GALNT17: variants seen among roughly 807,000 people sequenced by gnomAD.
GALNT17 encodes the protein UDP-GalNAc:polypeptide N-acetylgalactosaminyltransferase-like 3.
In GALNT17, 29 loss-of-function variants were observed where a neutral mutation model predicts 63.7. That is an observed-to-expected ratio of 0.46 (90% CI 0.34 to 0.62). The LOEUF is 0.62. Ranked by LOEUF, GALNT17 falls within the 20% of genes least tolerant of loss-of-function variation. The pLI, the probability that GALNT17 is intolerant of heterozygous loss-of-function variation, is 0.01. For missense variants in GALNT17, 603 were observed against 799.6 expected (o/e 0.75, Z 2.97); for synonymous variants, 305 against 318.3 (o/e 0.96, Z 0.45).
intron 1 of GALNT17, among the ~76,000 whole-genome samples, chr7:71,213,744 C>G (rs763758939): frequency 1.3e-5 from 2 of 152,126 alleles, no homozygotes; most frequent in Non-Finnish European, 2.9e-5. Flanking sequence ...TTCTGTCATC[C>G]TAATTTTTAT....
At chr7:71,624,656 C>T (rs542035588) in intron 6 of GALNT17, among the ~76,000 whole-genome samples, 10 of 152,146 alleles carry the variant, frequency 6.6e-5, no homozygotes, top group African/African-American at 2.4e-4. Context: ...TCCTATCTAT[C>T]GATTTTTACT....
intron 1 of GALNT17, among the ~76,000 whole-genome samples, chr7:71,248,226 A>G (rs1008376237): frequency 3.3e-5 from 5 of 152,220 alleles, no homozygotes; most frequent in African/African-American, 1.2e-4. Context: ...TTATAAAACC[A>G]TGAGATCTCG....
chr7:71,259,620 G>T (rs1298044920), intron 1 of GALNT17, among the ~76,000 whole-genome samples: 1 of 150,500 alleles, frequency 6.6e-6, no homozygotes, highest in Admixed American at 6.6e-5. Context: ...AACAGATCTT[G>T]GTCCTGTTTT....
chr7:71,571,022 G>A (rs1789432310), intron 5 of GALNT17, among the ~76,000 whole-genome samples: 1 of 152,054 alleles, frequency 6.6e-6, no homozygotes, highest in African/African-American at 2.4e-5. Flanking sequence ...GAGTAACAGA[G>A]AGAGGAGGTG....
chr7:71,612,814 A>T (rs190769990), intron 6 of GALNT17, among the ~76,000 whole-genome samples: 42 of 152,320 alleles, frequency 2.8e-4, no homozygotes, highest in African/African-American at 9.4e-4. Context: ...ACACATGCAG[A>T]CATAAACTGG....
chr7:71,582,974 TAAAAC>T (rs1353485206), intron 6 of GALNT17, among the ~76,000 whole-genome samples: 1 of 152,088 alleles, frequency 6.6e-6, no homozygotes, highest in Non-Finnish European at 1.5e-5. Context: ...AAATAAAAAA[TAAAAC>T]AAATTGGGAA....
chr7:71,566,757 T>G (rs1230922675), intron 5 of GALNT17, among the ~76,000 whole-genome samples: 2 of 151,476 alleles, frequency 1.3e-5, no homozygotes, highest in Non-Finnish European at 2.9e-5. Context: ...CGGAAACTTA[T>G]CTAACACTGT....
rs555644426 is a variant in GALNT17, at chr7:71,703,896, A to T, written c.1501-6865A>T. ...GAGACAACTTTTCAACAAAATGGAA[A>T]GTAATATTCTCTGAAGGCAGTAAGG... is the stretch of plus-strand genomic sequence containing the variant. On this transcript the variant is annotated intron_variant, in intron 9 of 10. Transcript: ENST00000333538. 2.7e-5 allele frequency among the ~76,000 whole-genome samples: 4 copies of T among 146,610 alleles called. No homozygotes were observed. The South Asian group carries it at 6.2e-4, about 23-fold the overall frequency.
chr7:71,515,631 A>G (rs1788432603), intron 5 of GALNT17, among the ~76,000 whole-genome samples: 1 of 151,992 alleles, frequency 6.6e-6, no homozygotes, highest in African/African-American at 2.4e-5. Flanking sequence ...TCTTTCTTTA[A>G]ATCTCTGTTC....
chr7:71,520,177 G>A (rs912179026), intron 5 of GALNT17, among the ~76,000 whole-genome samples: 3 of 152,108 alleles, frequency 2.0e-5, no homozygotes, highest in Non-Finnish European at 2.9e-5. Flanking sequence ...GCCTAGAGTT[G>A]GAGACTTCTG....
At chr7:71,312,936 C>A (rs1014888464) in intron 1 of GALNT17, among the ~76,000 whole-genome samples, 1 of 151,952 alleles carries the variant, frequency 6.6e-6, no homozygotes, top group Non-Finnish European at 1.5e-5. Flanking sequence ...ATAGCAAGAC[C>A]CCATCACTAA....
intron 1 of GALNT17, among the ~76,000 whole-genome samples, chr7:71,216,574 A>G (rs148128399): frequency 1.1e-4 from 15 of 131,290 alleles, no homozygotes; most frequent in Admixed American, 3.0e-4. Context: ...ATATACACAC[A>G]CACAAATACA....
At chr7:71,649,744 T>C (rs993856518) in intron 6 of GALNT17, among the ~76,000 whole-genome samples, 1 of 152,182 alleles carries the variant, frequency 6.6e-6, no homozygotes, top group Non-Finnish European at 1.5e-5. Flanking sequence ...TACGTGACCC[T>C]TGAATAGTTA....
intron 9 of GALNT17, among the ~76,000 whole-genome samples, chr7:71,691,197 C>A (rs932732434): frequency 2.0e-5 from 3 of 152,104 alleles, no homozygotes; most frequent in African/African-American, 7.2e-5. Context: ...CACCCCGCCA[C>A]CCTGATCAGT....
chr7:71,371,228 T>C (rs1171871510), intron 2 of GALNT17, among the ~76,000 whole-genome samples: 2 of 152,232 alleles, frequency 1.3e-5, no homozygotes, highest in African/African-American at 4.8e-5. Context: ...TTTTGCAATA[T>C]GATTTTGTCA....
chr7:71,374,069 A>C (rs1053143923), intron 2 of GALNT17, among the ~76,000 whole-genome samples: 12 of 152,204 alleles, frequency 7.9e-5, no homozygotes, highest in African/African-American at 2.7e-4. Context: ...GTATTTTTTA[A>C]ATTATAAAGG....
In GALNT17 at chr7:71,278,119, A is replaced by G. The variant is rs535316740; in HGVS notation, c.239-57431A>G. 9.8e-5 allele frequency among the ~76,000 whole-genome samples: 15 copies of G among 152,336 alleles called. No individual in the cohort carries two copies. In the South Asian group the frequency reaches 3.1e-3, roughly 32 times the overall value. ...GCAAAAAGTAATAATAATGATACTA[A>G]GAAAAGAGGTCACTGTGTGTCAGTT... On this transcript the variant is annotated intron_variant, in intron 1 of 10. Coordinates refer to ENST00000333538, the MANE Select transcript of GALNT17 (RefSeq NM_022479.3).
chr7:71,671,441 T>C (rs766849658), intron 8 of GALNT17, among the ~76,000 whole-genome samples: 1 of 152,202 alleles, frequency 6.6e-6, no homozygotes, highest in African/African-American at 2.4e-5. Context: ...CTGCCTTTTA[T>C]AGAAAATAAA....
At chr7:71,696,683 C>G (rs950129294) in intron 9 of GALNT17, among the ~76,000 whole-genome samples, 1 of 152,108 alleles carries the variant, frequency 6.6e-6, no homozygotes, top group Non-Finnish European at 1.5e-5. Context: ...ATGGAAAATT[C>G]TTTCCCCCTA....
Sources: gnomAD v4.1 joint callset for allele counts (sites outside exome capture counted in the v4.1 genomes callset) on GRCh38, gnomAD v4.1.1 for gene constraint, MANE v1.5 for transcripts, NCBI Gene and HGNC (gene_info 2026-07-23, HGNC 2026-07-21) for gene names.